Variants in XIST observed in about 807,000 individuals in gnomAD.
XIST encodes the protein X inactive specific transcript.
chrX:73,829,967 G>A (rs994525967), intron 4 of XIST, among the ~76,000 whole-genome samples: 30 of 110,531 alleles, frequency 2.7e-4, no homozygotes, highest in Admixed American at 8.7e-4. Flanking sequence ...CCTCAAGTTT[G>A]CTTTAAGTCT....
chrX:73,832,672 C>T (rs1922409552), intron 3 of XIST, among the ~76,000 whole-genome samples: 1 of 111,331 alleles, frequency 9.0e-6, no homozygotes, highest in African/African-American at 3.3e-5. Context: ...TTCATTAAAT[C>T]TATCTTGCTG....
At chrX:73,849,926 TG>T in exon 1 of XIST, 2 of 547,026 alleles carry the variant, frequency 3.7e-6, no homozygotes, top group Non-Finnish European at 3.3e-6. Flanking sequence ...AGGGGTTTGC[TG>T]GGAGCAGGGC....
chrX:73,820,846 C>CATT lies in XIST; in HGVS notation n.19052_19054dup, dbSNP rs751261912. The CATT allele has an allele frequency of 2.9e-5, 16 of 557,231 alleles. No individual in the cohort carries two copies. In the South Asian group the frequency reaches 3.1e-4, roughly 11 times the overall value. 45.9% of individuals were successfully genotyped at this position (557,231 alleles called of 1,213,427 possible). ...TCAGTTCACAAGTTCAAGAGTCTTCCATTTATCTTAGCTTTTGGAATAAAT... is the reference window on the plus strand; with the variant it reads ...TCAGTTCACAAGTTCAAGAGTCTTCCATTATTTATCTTAGCTTTTGGAATAAAT... On this transcript the variant is annotated non_coding_transcript_exon_variant, in exon 6 of 6. Coordinates refer to ENST00000429829, the Ensembl canonical transcript of XIST.
rs138899629 is a variant in XIST at position 73,829,014 on chromosome X, C to T, written n.11916+54G>A. ...TCCAACACCAGCTCCCAAAAAACAGCTGTTATAACAGTTCTGAAGTGATCC... is the reference window on the plus strand; with the variant it reads ...TCCAACACCAGCTCCCAAAAAACAGTTGTTATAACAGTTCTGAAGTGATCC... On this transcript the variant is annotated intron_variant and non_coding_transcript_variant, in intron 5 of 5. Coordinates refer to ENST00000429829, the Ensembl canonical transcript of XIST. 2.7e-3 allele frequency: 1,349 copies of T among 494,723 alleles called. 25 individuals are homozygous for T. The African/African-American group carries it at 0.028, about 10-fold the overall frequency. 40.8% of individuals were successfully genotyped at this position (494,723 alleles called of 1,213,427 possible). A position where few individuals can be genotyped will look rare whatever the true frequency, so the allele number is the denominator to read the frequency against.
chrX:73,850,684 G>T (rs771119493), exon 1 of XIST: 20 of 281,849 alleles, frequency 7.1e-5, no homozygotes, highest in East Asian at 1.5e-4. Flanking sequence ...CAGACCAGAG[G>T]GGGGTAGGGG....
At chrX:73,849,344 T>G (rs1362225758) in exon 1 of XIST, 1 of 557,280 alleles carries the variant, frequency 1.8e-6, no homozygotes, top group African/African-American at 2.2e-5. Flanking sequence ...CCCTGCTGAA[T>G]GCAAATGGGG....
intron 1 of XIST, among the ~76,000 whole-genome samples, chrX:73,839,928 A>G (rs1362722806): frequency 9.0e-6 from 1 of 110,535 alleles, no homozygotes; most frequent in African/African-American, 3.3e-5. Flanking sequence ...TTGTATGTTG[A>G]CAATGAATGA....
At chrX:73,825,530 T>G (rs1569511620) in exon 6 of XIST, 1 of 515,318 alleles carries the variant, frequency 1.9e-6, no homozygotes, top group African/African-American at 2.3e-5. Flanking sequence ...ACTAGTAGTA[T>G]TCAGAAATTT....
intron 5 of XIST, chrX:73,829,019 A>G (rs761814378): frequency 3.9e-6 from 2 of 516,186 alleles, no homozygotes; most frequent in East Asian, 3.3e-5. Flanking sequence ...AACAGCTGTT[A>G]TAACAGTTCT....
chrX:73,823,313 T>TC, exon 6 of XIST: 1 of 413,469 alleles, frequency 2.4e-6, no homozygotes, highest in Non-Finnish European at 4.2e-6. Flanking sequence ...TTCTTTCTTT[T>TC]TTTTTTTTTT....
At chrX:73,845,067 G>A (rs1265621714) in exon 1 of XIST, 2 of 557,635 alleles carry the variant, frequency 3.6e-6, no homozygotes, top group Non-Finnish European at 6.5e-6. Context: ...GGGTCTGAGA[G>A]TAGGACCTTA....
Position 73,835,970 on chromosome X carries a change from G to A in XIST, n.11406+1470C>T, listed in dbSNP as rs5937752. Among the ~76,000 whole-genome samples, 309 of 111,699 alleles carry A rather than the reference G, an allele frequency of 2.8e-3. 2 individuals carry two copies. The highest frequency in any genetic ancestry group is 4.8e-3 in the Non-Finnish European group (253 of 53,110). ...CAACTTTCTTGACTAAAATTGAAAGGTTAAAAATTATATTTGGGTTACAAT... is the reference window on the plus strand; with the variant it reads ...CAACTTTCTTGACTAAAATTGAAAGATTAAAAATTATATTTGGGTTACAAT... On this transcript the variant is annotated intron_variant and non_coding_transcript_variant, in intron 2 of 5. Coordinates refer to ENST00000429829, the Ensembl canonical transcript of XIST.
exon 1 of XIST, chrX:73,842,604 G>A (rs1922621708): frequency 1.8e-6 from 1 of 558,511 alleles, no homozygotes; most frequent in East Asian, 3.2e-5. Context: ...CTGATGGGCT[G>A]AAAAATGGGA....
chrX:73,821,491 AAT>A lies in XIST; in HGVS notation n.18408_18409del, dbSNP rs768893148. 7.5e-4 allele frequency: 415 copies of A among 555,849 alleles called. 1 individual carries two copies. The African/African-American group carries it at 8.1e-3, about 11-fold the overall frequency. The allele number at this position is 555,849 out of a possible 1,213,427, so 45.8% of individuals were successfully genotyped here. A position where few individuals can be genotyped will look rare whatever the true frequency, so the allele number is the denominator to read the frequency against. Reference sequence around the variant, plus strand: ...AGTTGATAAGCACTTGGACAAAAATAATACTTTTCAAAAATGTAAAGCAAACT... The same window carrying A: ...AGTTGATAAGCACTTGGACAAAAATAACTTTTCAAAAATGTAAAGCAAACT... On this transcript the variant is annotated non_coding_transcript_exon_variant, in exon 6 of 6. Transcript: ENST00000429829.
exon 6 of XIST, chrX:73,822,000 G>T: frequency 1.8e-6 from 1 of 558,469 alleles, no homozygotes; most frequent in South Asian, 2.2e-5. Context: ...GATTGTTTCT[G>T]AAAGAGATCT....
exon 6 of XIST, chrX:73,824,777 G>T: frequency 1.8e-6 from 1 of 558,115 alleles, no homozygotes; most frequent in Non-Finnish European, 3.2e-6. Context: ...GCTCTTTCCT[G>T]GTTACCTGGA....
intron 4 of XIST, chrX:73,829,374 T>C (rs1003666294): frequency 2.4e-6 from 1 of 419,187 alleles, no homozygotes; most frequent in Non-Finnish European, 4.2e-6. Flanking sequence ...TTTAGGTCTT[T>C]AGAGAGAAAA....
intron 2 of XIST, chrX:73,837,404 T>A (rs2147701821): frequency 2.1e-6 from 1 of 468,222 alleles, no homozygotes; most frequent in South Asian, 3.2e-5. Context: ...ACTGTGAAGT[T>A]CATCAAAAAC....
chrX:73,852,566 T>TA (rs1170081229), exon 1 of XIST: 6 of 497,903 alleles, frequency 1.2e-5, no homozygotes, highest in African/African-American at 2.4e-5. Flanking sequence ...GTATAGAATT[T>TA]AAAAAAATAT....
Sources: allele counts gnomAD v4.1 joint callset (sites outside exome capture counted in the v4.1 genomes callset), GRCh38; gene constraint gnomAD v4.1.1; transcripts MANE v1.5; gene names NCBI Gene and HGNC (gene_info 2026-07-23, HGNC 2026-07-21).